BICRAL: variants seen among roughly 807,000 people sequenced by gnomAD.
BICRAL encodes BRD4-interacting chromatin-remodeling complex-associated protein-like.
Under a neutral mutation model 91.8 loss-of-function variants are expected in BICRAL, and 8 were observed. The observed-to-expected ratio is 0.09, with a 90% CI of 0.05 to 0.16. The LOEUF is 0.16. BICRAL is among the 10% of genes least tolerant of loss of function. BICRAL has a pLI of 1.00. For synonymous variants in BICRAL, 445 were observed against 491.1 expected (o/e 0.91, Z 1.24); for missense variants, 1,038 against 1,310.9 (o/e 0.79, Z 3.21).
chr6:42,775,476 G>A (rs1762794600), intron 1 of BICRAL, among the ~76,000 whole-genome samples: 1 of 152,152 alleles, frequency 6.6e-6, no homozygotes, highest in Non-Finnish European at 1.5e-5. Context: ...CTATTTAGGA[G>A]AGTTAAAGAG....
At chr6:42,806,915 C>T (rs999159984) in intron 1 of BICRAL, among the ~76,000 whole-genome samples, 1 of 152,178 alleles carries the variant, frequency 6.6e-6, no homozygotes, top group African/African-American at 2.4e-5. Context: ...ACTGCAACCT[C>T]TGCCTCCTAG....
chr6:42,759,815 T>C (rs1009992345), intron 1 of BICRAL, among the ~76,000 whole-genome samples: 4 of 152,134 alleles, frequency 2.6e-5, no homozygotes, highest in Admixed American at 6.6e-5. Flanking sequence ...TGATTATGAG[T>C]GTGTGAAGTC....
chr6:42,784,428 C>G (rs1763042212), intron 1 of BICRAL, among the ~76,000 whole-genome samples: 1 of 152,156 alleles, frequency 6.6e-6, no homozygotes, highest in Non-Finnish European at 1.5e-5. Context: ...AGAAAAATAA[C>G]ACCGTGGTGC....
At chr6:42,860,182 G>A (rs1319349882) in intron 10 of BICRAL, 80 bp from the exon 11 acceptor site, 9 of 805,064 alleles carry the variant, frequency 1.1e-5, no homozygotes, top group Non-Finnish European at 1.7e-5. Context: ...GAAGAGTAAT[G>A]TATTTCAGTC....
At chr6:42,814,948 T>C (rs1300857478) in intron 2 of BICRAL, among the ~76,000 whole-genome samples, 1 of 151,692 alleles carries the variant, frequency 6.6e-6, no homozygotes, top group Non-Finnish European at 1.5e-5. Context: ...TCTCACTCTA[T>C]CACCCAGGCT....
intron 1 of BICRAL, among the ~76,000 whole-genome samples, chr6:42,800,521 G>A (rs952040371): frequency 2.0e-5 from 3 of 151,614 alleles, no homozygotes; most frequent in African/African-American, 7.3e-5. Flanking sequence ...CTAAGAAACT[G>A]ATTTTGTCCA....
intron 1 of BICRAL, among the ~76,000 whole-genome samples, chr6:42,752,057 G>A (rs1415734696): frequency 3.3e-5 from 5 of 152,152 alleles, no homozygotes; most frequent in African/African-American, 1.2e-4. Context: ...TCATTAAAGA[G>A]CTGTGCACAT....
rs367765813 is a variant in BICRAL, at chr6:42,809,101, G to A, written c.-101-1205G>A. 4.8e-4 allele frequency among the ~76,000 whole-genome samples: 57 copies of A among 117,748 alleles called. 3 individuals are homozygous for A. The East Asian group carries it at 0.011, about 22-fold the overall frequency. 77.2% of individuals were successfully genotyped at this position (117,748 alleles called of 152,430 possible). A position where few individuals can be genotyped will look rare whatever the true frequency, so the allele number is the denominator to read the frequency against. On this transcript the variant is annotated intron_variant, in intron 1 of 12. Coordinates refer to ENST00000314073, the MANE Select transcript of BICRAL (RefSeq NM_001393499.1). ...TAAGTTCTGGCCTCCCCTAGCCCCC[G>A]GCACCCCCCCCAACAGGCCCCGGTG...
chr6:42,845,157 A>G (rs1027774159), intron 6 of BICRAL, among the ~76,000 whole-genome samples: 1 of 105,144 alleles, frequency 9.5e-6, no homozygotes, highest in Non-Finnish European at 1.8e-5. Flanking sequence ...ACTGTTTGGT[A>G]TCCTTCGGCT....
At chr6:42,815,274 C>G (rs1158460379) in intron 2 of BICRAL, among the ~76,000 whole-genome samples, 2 of 151,020 alleles carry the variant, frequency 1.3e-5, no homozygotes, top group Non-Finnish European at 3.0e-5. Flanking sequence ...ACTGCAACCC[C>G]CATCTCCTGG....
intron 1 of BICRAL, among the ~76,000 whole-genome samples, chr6:42,768,175 TC>T (rs749082894): frequency 1.4e-4 from 21 of 152,308 alleles, no homozygotes; most frequent in Non-Finnish European, 2.5e-4. Flanking sequence ...TTGAGGTTAC[TC>T]AAGAATGATT....
chr6:42,792,413 A>G (rs944229367), intron 1 of BICRAL, among the ~76,000 whole-genome samples: 1 of 149,136 alleles, frequency 6.7e-6, no homozygotes, highest in Non-Finnish European at 1.5e-5. Flanking sequence ...GATTACATGC[A>G]TGTACCACCA....
intron 6 of BICRAL, among the ~76,000 whole-genome samples, chr6:42,847,257 AAAC>A (rs1765039295): frequency 1.3e-5 from 2 of 152,218 alleles, no homozygotes; most frequent in African/African-American, 4.8e-5. Context: ...GGGAAAACAA[AAAC>A]AACAATGAAT....
intron 1 of BICRAL, among the ~76,000 whole-genome samples, chr6:42,809,159 A>G (rs903889558): frequency 1.9e-4 from 29 of 149,910 alleles, no homozygotes; most frequent in Non-Finnish European, 3.4e-4. Flanking sequence ...TCATTGTTCA[A>G]CTACCACTTA....
At chr6:42,825,149 A>G (rs940860207) in intron 5 of BICRAL, among the ~76,000 whole-genome samples, 4 of 151,464 alleles carry the variant, frequency 2.6e-5, no homozygotes, top group African/African-American at 9.7e-5. Flanking sequence ...AATCCCAGCT[A>G]CTCAGGAGAC....
At chr6:42,857,294 C>T (rs1765396081) in intron 10 of BICRAL, 58 bp downstream of exon 10, 6 of 1,442,082 alleles carry the variant, frequency 4.2e-6, no homozygotes, top group South Asian at 3.8e-5. Context: ...TCCATGGACA[C>T]CCCCCAGAAA....
intron 6 of BICRAL, among the ~76,000 whole-genome samples, chr6:42,850,463 T>C (rs1448851577): frequency 6.6e-6 from 1 of 151,000 alleles, no homozygotes; most frequent in East Asian, 1.9e-4. Flanking sequence ...GAGGTTGCAG[T>C]GAGCTAAGAT....
At chr6:42,849,472 C>A (rs917113735) in intron 6 of BICRAL, among the ~76,000 whole-genome samples, 47 of 147,310 alleles carry the variant, frequency 3.2e-4, no homozygotes, top group Non-Finnish European at 2.2e-4. Flanking sequence ...GACAGTCTCA[C>A]TCTGTCGGCC....
chr6:42,794,715 G>A (rs1031589341), intron 1 of BICRAL, among the ~76,000 whole-genome samples: 2 of 151,188 alleles, frequency 1.3e-5, no homozygotes, highest in African/African-American at 4.9e-5. Flanking sequence ...TTGCGAGGCT[G>A]AGGCGGGCGG....
Sources: gnomAD v4.1 joint callset for allele counts (sites outside exome capture counted in the v4.1 genomes callset) on GRCh38, gnomAD v4.1.1 for gene constraint, MANE v1.5 for transcripts, NCBI Gene and HGNC (gene_info 2026-07-23, HGNC 2026-07-21) for gene names.